LIPA: variants seen among roughly 807,000 people sequenced by gnomAD.
LIPA encodes the protein lipase A, lysosomal acid type, also known as lysosomal acid lipase/cholesteryl ester hydrolase.
A neutral mutation model predicts 40.6 loss-of-function variants in LIPA; 26 were observed. The ratio of observed to expected loss-of-function variants is 0.64; its 90% CI spans 0.47 to 0.89. LIPA has a LOEUF of 0.89. Among genes scored for constraint, LIPA ranks in the 40% least tolerant of loss-of-function variants. LIPA has a pLI of 0.00. For synonymous variants in LIPA, 188 were observed against 168.4 expected (o/e 1.12, Z -0.90); for missense variants, 455 against 479.6 (o/e 0.95, Z 0.48).
At chr10:89,279,386 G>A (rs1243527552) in intron 1 of LIPA, among the ~76,000 whole-genome samples, 1 of 152,146 alleles carries the variant, frequency 6.6e-6, no homozygotes, top group Non-Finnish European at 1.5e-5. Flanking sequence ...AGAGTGTGAG[G>A]GAGGCCTTTG....
intron 1 of LIPA, among the ~76,000 whole-genome samples, chr10:89,324,358 A>G (rs957034080): frequency 6.6e-6 from 1 of 152,190 alleles, no homozygotes; most frequent in South Asian, 2.1e-4. Context: ...CCTTCCTTAC[A>G]TCATATATGG....
At chr10:89,307,488 C>A in intron 1 of LIPA, 1 of 838,490 alleles carries the variant, frequency 1.2e-6, no homozygotes, top group Non-Finnish European at 1.9e-6. Context: ...TGGACTAAGA[C>A]ACTGGCCATA....
Position 89,250,007 on chromosome 10 carries a change from T to G in LIPA, c.-2+1730A>C, listed in dbSNP as rs565079705. ...CAAAAGTGAACTGACTCCCTTCTGT[T>G]GATGGAATTCCTCCTGGGATTATTT... On this transcript the variant is annotated intron_variant, in intron 1 of 9. Transcript: ENST00000336233. Among the ~76,000 whole-genome samples the G allele has an allele frequency of 2.1e-3, 320 of 152,302 alleles. 2 individuals are homozygous for G. Among genetic ancestry groups the G allele is most frequent in the Non-Finnish European group, 3.9e-3 (267 of 68,010 alleles).
At chr10:89,287,989 C>T (rs2133503868) in intron 1 of LIPA, among the ~76,000 whole-genome samples, 1 of 152,344 alleles carries the variant, frequency 6.6e-6, no homozygotes, top group African/African-American at 2.4e-5. Context: ...TTGCACCCTT[C>T]ATCCCAGCCT....
At chr10:89,352,175 C>T (rs1223743203) in intron 2 of LIPA, among the ~76,000 whole-genome samples, 1 of 152,226 alleles carries the variant, frequency 6.6e-6, no homozygotes, top group African/African-American at 2.4e-5. Flanking sequence ...CACTGCTCGA[C>T]TCCCCCTCCC....
chr10:89,278,752 G>C (rs969117190), intron 1 of LIPA, among the ~76,000 whole-genome samples: 19 of 151,906 alleles, frequency 1.3e-4, no homozygotes, highest in African/African-American at 4.6e-4. Context: ...GTTAAAAAAA[G>C]TAATTATGGA....
intron 1 of LIPA, among the ~76,000 whole-genome samples, chr10:89,315,454 T>C (rs1843536507): frequency 6.6e-6 from 1 of 152,212 alleles, no homozygotes. Flanking sequence ...AGTCTCTGCT[T>C]TGTGCAGCTA....
In LIPA at chr10:89,264,751, G is replaced by T. The variant is rs539164626; in HGVS notation, c.-1-17102C>A. Reference sequence around the variant, plus strand: ...GCGGCCATGGGTGGGCCCAGAAAAAGCACCATAAGTTCTCACTCTGGGCTG... The same window carrying T: ...GCGGCCATGGGTGGGCCCAGAAAAATCACCATAAGTTCTCACTCTGGGCTG... On this transcript the variant is annotated intron_variant, in intron 1 of 5. Coordinates refer to the LIPA transcript ENST00000282673. Among the ~76,000 whole-genome samples, 4 of 152,314 alleles carry T rather than the reference G, an allele frequency of 2.6e-5. No homozygotes were observed. In the East Asian group the frequency reaches 7.7e-4, roughly 29 times the overall value.
Position 89,337,912 on chromosome 10 carries a change from A to G in LIPA, c.-2+4699T>C, listed in dbSNP as rs116816175. 2.3e-3 allele frequency among the ~76,000 whole-genome samples: 350 copies of G among 152,314 alleles called. 2 individuals are homozygous for G. The highest frequency in any genetic ancestry group is 8.1e-3 in the African/African-American group (338 of 41,578). On this transcript the variant is annotated intron_variant, in intron 1 of 5. Coordinates refer to the LIPA transcript ENST00000282673. ...GTGATGGTACAAAAGTGATAATTCCATTCTTGTTTTTCACTTAAAATACAG... is the reference window on the plus strand; with the variant it reads ...GTGATGGTACAAAAGTGATAATTCCGTTCTTGTTTTTCACTTAAAATACAG...
intron 2 of LIPA, among the ~76,000 whole-genome samples, chr10:89,350,392 G>A (rs543253822): frequency 5.3e-5 from 8 of 150,632 alleles, no homozygotes; most frequent in African/African-American, 1.2e-4. Flanking sequence ...TGCAAGCTCC[G>A]CCTCCCAGGT....
intron 2 of LIPA, among the ~76,000 whole-genome samples, chr10:89,360,982 T>C (rs927030206): frequency 6.6e-6 from 1 of 152,184 alleles, no homozygotes; most frequent in Non-Finnish European, 1.5e-5. Context: ...CTTGTGTTTT[T>C]ATATCTTCCC....
intron 1 of LIPA, among the ~76,000 whole-genome samples, chr10:89,413,320 T>TC (rs1404352480): frequency 1.3e-5 from 2 of 152,184 alleles, no homozygotes; most frequent in African/African-American, 4.8e-5. Context: ...AGTTTCTGTA[T>TC]AAGACAGTAC....
chr10:89,364,633 G>A (rs998960185), intron 2 of LIPA, among the ~76,000 whole-genome samples: 1 of 149,656 alleles, frequency 6.7e-6, no homozygotes, highest in Admixed American at 6.7e-5. Context: ...TAGTTCTAAA[G>A]TATTCATATA....
rs529395132 is a variant in LIPA at position 89,270,751 on chromosome 10, G to A, written c.-1-23102C>T. On this transcript the variant is annotated intron_variant, in intron 1 of 5. Coordinates refer to the LIPA transcript ENST00000282673. ...AGCTGCTCTGCTACTCATGTTATAC[G>A]ACCCAACAGATCTGATGGTGCTCGA... Among the ~76,000 whole-genome samples the A allele has an allele frequency of 1.1e-3, 171 of 152,296 alleles. 1 individual carries two copies. Among genetic ancestry groups the A allele is most frequent in the Non-Finnish European group, 1.8e-3 (120 of 68,026 alleles).
chr10:89,351,610 G>C (rs779314295), intron 2 of LIPA, among the ~76,000 whole-genome samples: 2 of 152,186 alleles, frequency 1.3e-5, no homozygotes, highest in Non-Finnish European at 2.9e-5. Context: ...TTTAGAGTCA[G>C]AACAGGCAAT....
intron 1 of LIPA, among the ~76,000 whole-genome samples, chr10:89,320,458 C>A (rs930494516): frequency 7.2e-5 from 11 of 152,152 alleles, no homozygotes; most frequent in African/African-American, 2.7e-4. Context: ...TGAGTGAACT[C>A]CCATTCACAA....
intron 1 of LIPA, among the ~76,000 whole-genome samples, chr10:89,317,276 A>C (rs1233848617): frequency 6.6e-6 from 1 of 152,232 alleles, no homozygotes; most frequent in Non-Finnish European, 1.5e-5. Flanking sequence ...CTTCGAGCTA[A>C]GGGAGGATGT....
intron 1 of LIPA, among the ~76,000 whole-genome samples, chr10:89,281,052 AC>A: frequency 6.6e-6 from 1 of 152,368 alleles, no homozygotes; most frequent in Admixed American, 6.5e-5. Flanking sequence ...GGTTTTAAAA[AC>A]AGTGGCTATT....
chr10:89,293,239 T>G (rs1460816324), intron 1 of LIPA, among the ~76,000 whole-genome samples: 2 of 152,194 alleles, frequency 1.3e-5, no homozygotes, highest in Non-Finnish European at 2.9e-5. Flanking sequence ...TGCTTCCCCT[T>G]TGCCTTCTGC....
Sources: allele counts gnomAD v4.1 joint callset (sites outside exome capture counted in the v4.1 genomes callset), GRCh38; gene constraint gnomAD v4.1.1; transcripts MANE v1.5; gene names NCBI Gene and HGNC (gene_info 2026-07-23, HGNC 2026-07-21).